The following CWF19L2 variants were observed in gnomAD, a reference collection of about 807,000 sequenced individuals.
CWF19L2 encodes CWF19-like protein 2.
Under a neutral mutation model 111.7 loss-of-function variants are expected in CWF19L2, and 98 were observed. The observed-to-expected ratio is 0.88, with a 90% CI of 0.75 to 1.04. The LOEUF is 1.04. Ranked by LOEUF, CWF19L2 falls within the 50% of genes least tolerant of loss-of-function variation. The pLI is 0.00. For synonymous variants in CWF19L2, 351 were observed against 342.9 expected, an observed-to-expected ratio of 1.02 and a Z score of -0.26; for missense variants, 1,101 against 1,051.4, an observed-to-expected ratio of 1.05 and a Z score of -0.65.
intron 12 of CWF19L2, among the ~76,000 whole-genome samples, chr11:107,389,373 TGTATA>T (rs1410617498): frequency 6.6e-6 from 1 of 152,244 alleles, no homozygotes; most frequent in African/African-American, 2.4e-5. Context: ...TAAATGCATG[TGTATA>T]GCAGTTCTTC....
At chr11:107,436,161 C>A (rs78356251) in intron 6 of CWF19L2, among the ~76,000 whole-genome samples, 9 of 141,070 alleles carry the variant, frequency 6.4e-5, no homozygotes, top group Non-Finnish European at 1.1e-4. Context: ...CGCCCCCCGA[C>A]CCAAAAAAAA....
At chr11:107,396,883 C>T (rs987665311) in intron 10 of CWF19L2, among the ~76,000 whole-genome samples, 7 of 152,120 alleles carry the variant, frequency 4.6e-5, no homozygotes, top group African/African-American at 1.2e-4. Flanking sequence ...CACTTCCTCC[C>T]GAACATACCC....
At chr11:107,337,465 G>A (rs1311297954) in intron 14 of CWF19L2, among the ~76,000 whole-genome samples, 1 of 151,744 alleles carries the variant, frequency 6.6e-6, no homozygotes, top group African/African-American at 2.4e-5. Context: ...ACTGAATAGA[G>A]CTGAGTGGTC....
At chr11:107,380,539 C>T (rs998377594) in intron 12 of CWF19L2, among the ~76,000 whole-genome samples, 1 of 151,994 alleles carries the variant, frequency 6.6e-6, no homozygotes, top group Admixed American at 6.6e-5. Flanking sequence ...CCAAGGATAG[C>T]TTTTACAAAA....
At chr11:107,406,410 T>C (rs1433187801) in intron 10 of CWF19L2, among the ~76,000 whole-genome samples, 1 of 152,146 alleles carries the variant, frequency 6.6e-6, no homozygotes, top group Non-Finnish European at 1.5e-5. Flanking sequence ...TCTAATTATG[T>C]CCACAAGTTG....
At chr11:107,422,413 G>A (rs955585070) in intron 8 of CWF19L2, among the ~76,000 whole-genome samples, 3 of 152,024 alleles carry the variant, frequency 2.0e-5, no homozygotes, top group African/African-American at 7.2e-5. Flanking sequence ...AGCAGATGTG[G>A]TTGCCTAGGA....
intron 5 of CWF19L2, among the ~76,000 whole-genome samples, chr11:107,439,508 T>G (rs1378532674): frequency 6.6e-6 from 1 of 152,150 alleles, no homozygotes. Context: ...GACAGAAGTA[T>G]ACAGTACTGA....
At chr11:107,390,653 T>C (rs1443995649) in intron 11 of CWF19L2, among the ~76,000 whole-genome samples, 2 of 152,156 alleles carry the variant, frequency 1.3e-5, no homozygotes, top group Non-Finnish European at 2.9e-5. Context: ...GCCCCAAAAT[T>C]CACATGTTGA....
At chr11:107,395,805 T>C (rs1345272210) in intron 10 of CWF19L2, among the ~76,000 whole-genome samples, 1 of 152,244 alleles carries the variant, frequency 6.6e-6, no homozygotes, top group African/African-American at 2.4e-5. Flanking sequence ...GTTACTAGAC[T>C]GTAATATTTT....
At chr11:107,378,317 C>T (rs1335916716) in intron 12 of CWF19L2, among the ~76,000 whole-genome samples, 120 of 147,126 alleles carry the variant, frequency 8.2e-4, no homozygotes, top group East Asian at 8.1e-3. Context: ...CACATGCACA[C>T]GTATGTTTAT....
At chr11:107,392,331 G>C (rs1000780237) in intron 11 of CWF19L2, among the ~76,000 whole-genome samples, 4 of 152,044 alleles carry the variant, frequency 2.6e-5, no homozygotes, top group African/African-American at 9.7e-5. Context: ...TACTAGAGTT[G>C]GAAAATGGAA....
intron 10 of CWF19L2, among the ~76,000 whole-genome samples, chr11:107,394,204 A>G (rs1201957474): frequency 1.3e-5 from 2 of 152,202 alleles, no homozygotes; most frequent in Admixed American, 1.3e-4. Context: ...AAGAAAAATA[A>G]TATATACCTA....
intron 12 of CWF19L2, among the ~76,000 whole-genome samples, chr11:107,379,488 CT>C (rs1424791866): frequency 1.3e-5 from 2 of 152,230 alleles, no homozygotes; most frequent in Non-Finnish European, 2.9e-5. Context: ...GATTCTGATT[CT>C]GATAACTGCA....
At chr11:107,456,903 T>C (rs1194829542) in intron 1 of CWF19L2, among the ~76,000 whole-genome samples, 3 of 152,206 alleles carry the variant, frequency 2.0e-5, no homozygotes, top group Non-Finnish European at 4.4e-5. Context: ...ATTTTGAAAC[T>C]ATGTCATTTT....
intron 4 of CWF19L2, 57 bp downstream of exon 4, chr11:107,442,882 G>GAGGGAGGGAGGGAGGAAGGA: frequency 1.4e-6 from 1 of 706,620 alleles, no homozygotes; most frequent in Non-Finnish European, 2.3e-6. Context: ...GGGAGGGAGG[G>GAGGGAGGGAGGGAGGAAGGA]AGGAAGGAAG....
At chr11:107,356,556 C>T (rs1471359183) in intron 12 of CWF19L2, among the ~76,000 whole-genome samples, 1 of 152,146 alleles carries the variant, frequency 6.6e-6, no homozygotes, top group East Asian at 1.9e-4. Flanking sequence ...CATTGCCTTA[C>T]AAATTATTAT....
Position 107,411,089 on chromosome 11 carries a change from G to GCACACACACACACACACA in CWF19L2, c.1617+5102_1617+5119dup, listed in dbSNP as rs146846176. ...GTGGTGTGTGTGTGCGCGCGTGCGT[G>GCACACACACACACACACA]CACACACACACACACACACACACAC... is the stretch of plus-strand genomic sequence containing the variant. On this transcript the variant is annotated intron_variant, in intron 10 of 17. Transcript: ENST00000282251. Among the ~76,000 whole-genome samples, 85 of 148,792 alleles carry GCACACACACACACACACA rather than the reference G, an allele frequency of 5.7e-4. 1 individual carries two copies. The highest frequency in any genetic ancestry group is 1.9e-3 in the African/African-American group (75 of 40,268).
chr11:107,351,778 T>A (rs1860159244), intron 13 of CWF19L2, among the ~76,000 whole-genome samples: 1 of 152,148 alleles, frequency 6.6e-6, no homozygotes, highest in Non-Finnish European at 1.5e-5. Flanking sequence ...GTAGAAATGA[T>A]GATGGTCAGT....
intron 9 of CWF19L2, 127 bp downstream of exon 9, chr11:107,418,067 A>C: frequency 3.0e-6 from 2 of 677,124 alleles, no homozygotes; most frequent in South Asian, 1.6e-5. Flanking sequence ...AATTTCTTTA[A>C]GGAATCAATA....
Sources: allele counts gnomAD v4.1 joint callset (sites outside exome capture counted in the v4.1 genomes callset), GRCh38; gene constraint gnomAD v4.1.1; transcripts MANE v1.5; gene names NCBI Gene and HGNC (gene_info 2026-07-23, HGNC 2026-07-21).